Variants in POMGNT1 observed in about 807,000 individuals in gnomAD.
The protein encoded by POMGNT1 is protein O-linked-mannose beta-1,2-N-acetylglucosaminyltransferase 1.
In POMGNT1, 67 loss-of-function variants were observed where a neutral mutation model predicts 95.6. The ratio of observed to expected loss-of-function variants is 0.70; its 90% CI spans 0.58 to 0.86. The LOEUF is 0.86. Among genes scored for constraint, POMGNT1 ranks in the 40% least tolerant of loss-of-function variants. The pLI, the probability that POMGNT1 is intolerant of heterozygous loss-of-function variation, is 0.00. For synonymous variants in POMGNT1, 298 were observed against 317.9 expected, an observed-to-expected ratio of 0.94 and a Z score of 0.66; for missense variants, 719 against 855.2, an observed-to-expected ratio of 0.84 and a Z score of 1.99.
Position 46,194,362 on chromosome 1 carries a change from C to A in POMGNT1, c.791G>T (p.Arg264Leu). 1.2e-6 allele frequency: 2 copies of A among 1,614,194 alleles called. No individual in the cohort carries two copies. Among genetic ancestry groups the A allele is most frequent in the Non-Finnish European group, 1.7e-6 (2 of 1,180,042 alleles). The change falls in exon 9 of 22, where the codon CGC becomes CTC. Residue 264 changes from arginine to leucine, a missense_variant. Physicochemically the swap from Arg to Leu is moderately radical, Grantham distance 102. This residue lies in a region of POMGNT1 where 466 missense variants were observed against 517.4 expected (regional missense o/e 0.90). Coordinates refer to ENST00000371984, the MANE Select transcript of POMGNT1 (RefSeq NM_017739.4). ...CHWADTELNRRRRRFCSKVEG... is the reference protein window; with the variant it reads ...CHWADTELNRLRRRFCSKVEG... ...AACTTTGCTGCAGAAGCGCCGGCGG[C>A]GACGGTTCAGCTCTGTGTCTGCCCA...
At chr1:46,191,188 T>C (rs1657740699) in intron 17 of POMGNT1, 1 of 311,560 alleles carries the variant, frequency 3.2e-6, no homozygotes, top group African/African-American at 2.2e-5. Context: ...GAGAGTGACC[T>C]GAGGGAAGCG....
At chr1:46,199,972 C>A (rs528647534), upstream of POMGNT1, among the ~76,000 whole-genome samples, 85 of 152,166 alleles carry the variant, frequency 5.6e-4, 1 homozygote, top group African/African-American at 1.8e-3. Flanking sequence ...GAGTTTGAGA[C>A]CAGCCTGCCC....
intron 6 of POMGNT1, among the ~76,000 whole-genome samples, chr1:46,195,232 A>G (rs1223931369): frequency 2.0e-5 from 3 of 149,194 alleles, no homozygotes; most frequent in Admixed American, 6.7e-5. Context: ...CCACTCTCCT[A>G]CTCTCCTCCC....
upstream of POMGNT1, chr1:46,198,478 CGCCGCT>C (rs1222257310): frequency 2.0e-5 from 3 of 149,402 alleles, no homozygotes; most frequent in African/African-American, 7.3e-5. Flanking sequence ...CCGCCGCCGC[CGCCGCT>C]GCCGCGGGGT....
Position 46,198,090 on chromosome 1 carries a change from G to A in POMGNT1, c.-50-219C>T, listed in dbSNP as rs1443537641. 41 of 522,190 alleles carry A rather than the reference G, an allele frequency of 7.9e-5. No homozygotes were observed. The South Asian group carries it at 8.5e-4, about 11-fold the overall frequency. The allele number at this position is 522,190 out of a possible 1,614,324, so 32.3% of individuals were successfully genotyped here. A position where few individuals can be genotyped will look rare whatever the true frequency, so the allele number is the denominator to read the frequency against. ...AGACTGGAGTAACTCTCTGAATCAAGGCTGTCCAAGGGTGGAGGCCAAATA... is the reference window on the plus strand; with the variant it reads ...AGACTGGAGTAACTCTCTGAATCAAAGCTGTCCAAGGGTGGAGGCCAAATA... On this transcript the variant is annotated intron_variant, in intron 1 of 21. Coordinates refer to ENST00000371984, the MANE Select transcript of POMGNT1 (RefSeq NM_017739.4).
intron 2 of POMGNT1, 151 bp from the exon 3 acceptor site, chr1:46,197,235 G>T: frequency 6.4e-7 from 1 of 1,559,572 alleles, no homozygotes; most frequent in Non-Finnish European, 8.6e-7. Flanking sequence ...CCCCTGACCA[G>T]GGCCTAGTTT....
At chr1:46,216,132 C>T (rs1234365825) in intron 1 of POMGNT1, among the ~76,000 whole-genome samples, 33 of 146,290 alleles carry the variant, frequency 2.3e-4, no homozygotes, top group African/African-American at 8.1e-4. Context: ...CTGCAGGCTC[C>T]GCCCCCCAGG....
In POMGNT1 at chr1:46,196,296, C is replaced by G. The variant is rs1299339368; in HGVS notation, c.355-219G>C. On this transcript the variant is annotated intron_variant, in intron 4 of 21. Transcript: ENST00000371984. The surrounding 1 kb of genome is among the most constrained non-coding windows in gnomAD (Gnocchi z 4.4). ...CACGTCTTTCTACAACCCTCCCCTC[C>G]ATGACTTTCATGGCTCTTAGAGCCT... 6.6e-6 allele frequency among the ~76,000 whole-genome samples: 1 copy of G among 152,234 alleles called. No homozygotes were observed. The highest frequency in any genetic ancestry group is 1.9e-4 in the East Asian group (1 of 5,204).
In POMGNT1 at chr1:46,197,776, G is replaced by A. The variant is rs34058684; in HGVS notation, c.46C>T (p.Arg16Trp). The A allele has an allele frequency of 1.2e-4, 193 of 1,614,030 alleles. 1 individual carries two copies. The highest frequency in any genetic ancestry group is 1.4e-4 in the Non-Finnish European group (171 of 1,180,028). The change falls in exon 2 of 22, where the codon CGG becomes TGG. Residue 16 changes from arginine to tryptophan, a missense_variant. Physicochemically the swap from Arg to Trp is moderately radical, Grantham distance 101. Coordinates refer to ENST00000371984, the MANE Select transcript of POMGNT1 (RefSeq NM_017739.4). ...GTAAGGTACCAGCTCCGCTTCTTCCGAGCCCCAAAGGGCTTGATGAGGGGG... is the reference window on the plus strand; with the variant it reads ...GTAAGGTACCAGCTCCGCTTCTTCCAAGCCCCAAAGGGCTTGATGAGGGGG... The part of the protein sequence containing the change: ...PSPLIKPFGA[R>W]KKRSWYLTWK...
intron 1 of POMGNT1, among the ~76,000 whole-genome samples, chr1:46,207,333 G>T (rs1658747515): frequency 6.6e-6 from 1 of 152,050 alleles, no homozygotes; most frequent in African/African-American, 2.4e-5. Flanking sequence ...TTCTGCCTCA[G>T]CCTCCCAAAG....
intron 1 of POMGNT1, among the ~76,000 whole-genome samples, chr1:46,212,281 A>AT (rs753914761): frequency 2.6e-3 from 374 of 143,504 alleles, no homozygotes; most frequent in Middle Eastern, 3.6e-3. Context: ...AACCATGTAA[A>AT]TTTTTTTTTT....
At chr1:46,213,222 TACC>T (rs1226548655) in intron 1 of POMGNT1, among the ~76,000 whole-genome samples, 1 of 151,576 alleles carries the variant, frequency 6.6e-6, no homozygotes, top group Non-Finnish European at 1.5e-5. Context: ...GAACAGCATA[TACC>T]ATAGTGATTT....
intron 1 of POMGNT1, among the ~76,000 whole-genome samples, chr1:46,213,800 A>G (rs1407753878): frequency 2.0e-5 from 3 of 152,042 alleles, no homozygotes; most frequent in Non-Finnish European, 1.5e-5. Context: ...GGATACTGAC[A>G]GCCTTGCTTA....
intron 1 of POMGNT1, 88 bp from the exon 2 acceptor site, chr1:46,197,959 C>G: frequency 7.7e-7 from 1 of 1,301,602 alleles, no homozygotes; most frequent in Non-Finnish European, 1.1e-6. Context: ...CTCCCAGCAA[C>G]TCTTCCCTGC....
intron 21 of POMGNT1, 31 bp downstream of exon 21, chr1:46,189,427 C>T: frequency 1.2e-6 from 2 of 1,613,592 alleles, no homozygotes; most frequent in South Asian, 1.1e-5. Flanking sequence ...ACTAGGCCTC[C>T]TGTTTCCCAG....
Position 46,192,338 on chromosome 1 carries a change from C to T in POMGNT1, c.1383G>A (p.Glu461=). 6.2e-7 allele frequency: 1 copy of T among 1,614,182 alleles called. No individual in the cohort carries two copies. Among genetic ancestry groups the T allele is most frequent in the Middle Eastern group, 1.6e-4 (1 of 6,062 alleles). The change falls in exon 16 of 22, where the codon GAG becomes GAA. Residue 461 remains glutamate, a synonymous_variant. Transcript: ENST00000371984. Reference sequence around the variant, plus strand: ...CCGGTGTAGGCCACTTGGGCTCAAGCTCCTCCTTGTACAAGGACCTCCTGA... The same window carrying T: ...CCGGTGTAGGCCACTTGGGCTCAAGTTCCTCCTTGTACAAGGACCTCCTGA... The part of the protein sequence containing the change: ...WVLRRSLYKE[E]LEPKWPTPEK...
chr1:46,193,886 T>C lies in POMGNT1; in HGVS notation c.919A>G (p.Ile307Val). The part of the protein sequence containing the change: ...NKVLNVPVAV[I>V]AGNRPNYLYR... The stretch of plus-strand genomic sequence containing the variant: ...AGGTAATTGGGTCGGTTCCCTGCAA[T>C]GACAGCCACAGGCACATTGAGGACC... Residue 307 changes from isoleucine (I) to valine (V), a missense_variant, in exon 10 of 22, where the codon ATT becomes GTT. By Grantham distance (29) the Ile-to-Val change is conservative. Transcript: ENST00000371984. 1 of 1,614,204 alleles carries C rather than the reference T, an allele frequency of 6.2e-7. No homozygotes were observed. Among genetic ancestry groups the C allele is most frequent in the Non-Finnish European group, 8.5e-7 (1 of 1,180,022 alleles).
Position 46,197,847 on chromosome 1 carries a change from C to G in POMGNT1, c.-26G>C. On this transcript the variant is annotated 5_prime_UTR_variant, in exon 2 of 22. Transcript: ENST00000371984. ...ACCGGATTGGCGGGTCACCAATGTC[C>G]TGGCCAGCCCATGACTTCAGGAATC... is the stretch of plus-strand genomic sequence containing the variant. The G allele has an allele frequency of 6.2e-7, 1 of 1,613,362 alleles. No homozygotes were observed. The highest frequency in any genetic ancestry group is 2.2e-5 in the East Asian group (1 of 44,878).
chr1:46,202,821 C>T (rs905266850), upstream of POMGNT1, among the ~76,000 whole-genome samples: 1 of 139,538 alleles, frequency 7.2e-6, no homozygotes, highest in African/African-American at 2.6e-5. Context: ...GCTTAAGGAG[C>T]ATCTTGCTTG....
Sources: allele counts gnomAD v4.1 joint callset (sites outside exome capture counted in the v4.1 genomes callset), GRCh38; gene constraint gnomAD v4.1.1; regional missense constraint gnomAD v4.1.1; non-coding constraint Gnocchi (gnomAD v3.1); transcripts MANE v1.5; gene names NCBI Gene and HGNC (gene_info 2026-07-23, HGNC 2026-07-21).